PDE9A: variants seen among roughly 807,000 people sequenced by gnomAD.
PDE9A encodes the protein phosphodiesterase 9A, also known as high affinity cGMP-specific 3',5'-cyclic phosphodiesterase 9A.
In PDE9A, 60 loss-of-function variants were observed where a neutral mutation model predicts 87.4. That is an observed-to-expected ratio of 0.69 (90% CI 0.56 to 0.85). The LOEUF is 0.85. Among genes scored for constraint, PDE9A ranks in the 40% least tolerant of loss-of-function variants. The pLI is 0.00. For synonymous variants in PDE9A, 272 were observed against 279.4 expected, an observed-to-expected ratio of 0.97 and a Z score of 0.27; for missense variants, 665 against 779.0, an observed-to-expected ratio of 0.85 and a Z score of 1.74.
At chr21:42,719,391 T>C (rs760520737) in intron 4 of PDE9A, among the ~76,000 whole-genome samples, 1 of 151,728 alleles carries the variant, frequency 6.6e-6, no homozygotes, top group Non-Finnish European at 1.5e-5. Flanking sequence ...TCTCAGCACT[T>C]TGGGAGGCCG....
chr21:42,663,775 G>A (rs1289309768), intron 1 of PDE9A, among the ~76,000 whole-genome samples: 3 of 152,168 alleles, frequency 2.0e-5, no homozygotes, highest in African/African-American at 7.2e-5. Context: ...AGGCCCCACT[G>A]AAGCATGCCA....
In PDE9A at chr21:42,722,525, C is replaced by T. The variant is rs1471676475; in HGVS notation, c.263-9245C>T. 6.6e-6 allele frequency among the ~76,000 whole-genome samples: 1 copy of T among 152,332 alleles called. No individual in the cohort carries two copies. The highest frequency in any genetic ancestry group is 1.9e-4 in the East Asian group (1 of 5,182). ...ACGCCCTTGTGATGTATTATTCCCT[C>T]TACTCTTGCAGGTCGGTGCTTGGGA... is the stretch of plus-strand genomic sequence containing the variant. On this transcript the variant is annotated intron_variant, in intron 4 of 19. Transcript: ENST00000291539. This position sits in a 1 kb window ranked among gnomAD's most constrained non-coding sequence, Gnocchi z 4.1.
intron 15 of PDE9A, among the ~76,000 whole-genome samples, chr21:42,766,774 C>T (rs993732488): frequency 7.2e-5 from 11 of 152,330 alleles, no homozygotes; most frequent in African/African-American, 2.6e-4. Context: ...GAGGGAGGCG[C>T]CGCCTTGTCC....
At chr21:42,770,626 T>C in intron 17 of PDE9A, 77 bp from the exon 18 acceptor site, 2 of 1,142,794 alleles carry the variant, frequency 1.8e-6, no homozygotes, top group Non-Finnish European at 2.6e-6. Flanking sequence ...ACGGAGCACC[T>C]GACACCTGTT....
At chr21:42,762,370 C>A in intron 14 of PDE9A, 131 bp downstream of exon 14, 1 of 905,638 alleles carries the variant, frequency 1.1e-6, no homozygotes, top group Non-Finnish European at 1.7e-6. Context: ...AAGGGAACCC[C>A]TCCCTCCTTC....
intron 18 of PDE9A, among the ~76,000 whole-genome samples, chr21:42,771,218 G>A (rs899593552): frequency 6.6e-6 from 1 of 152,176 alleles, no homozygotes; most frequent in East Asian, 1.9e-4. Flanking sequence ...CCCCTGGCAC[G>A]GGGACAAAGC....
rs755890848 is a variant in PDE9A at position 42,759,101 on chromosome 21, G to A, written c.897+16G>A. The A allele has an allele frequency of 1.9e-5, 31 of 1,592,120 alleles. 1 individual carries two copies. Among genetic ancestry groups the A allele is most frequent in the South Asian group, 5.5e-5 (5 of 90,574 alleles). ...GAGGTGGCTGGTGAGTGCCAAACCC[G>A]CCTTCGGTTCTTCCTGGGCACGTGG... On this transcript the variant is annotated intron_variant, in intron 11 of 19. Transcript: ENST00000291539. This position sits in a 1 kb window ranked among gnomAD's most constrained non-coding sequence, Gnocchi z 7.2.
At chr21:42,769,980 G>A (rs1006713714) in intron 17 of PDE9A, among the ~76,000 whole-genome samples, 20 of 151,856 alleles carry the variant, frequency 1.3e-4, no homozygotes, top group Non-Finnish European at 5.9e-5. Context: ...CATCGCTGCC[G>A]GCCTTCAGGA....
chr21:42,686,512 T>G (rs2059483647), intron 2 of PDE9A, among the ~76,000 whole-genome samples: 1 of 152,236 alleles, frequency 6.6e-6, no homozygotes, highest in Admixed American at 6.5e-5. Context: ...AGAACCGCCC[T>G]CCTAAGAGTG....
chr21:42,691,229 C>T (rs1403485451), intron 3 of PDE9A, among the ~76,000 whole-genome samples: 2 of 150,958 alleles, frequency 1.3e-5, no homozygotes, highest in Non-Finnish European at 3.0e-5. Context: ...TCGCCATCAC[C>T]ATCCAGATTC....
At chr21:42,772,190 C>T (rs898122149) in intron 18 of PDE9A, among the ~76,000 whole-genome samples, 5 of 152,224 alleles carry the variant, frequency 3.3e-5, no homozygotes, top group East Asian at 1.9e-4. Flanking sequence ...CCAGTCCCCG[C>T]GGCTGTGGTG....
At chr21:42,703,190 G>A (rs1486790185) in intron 4 of PDE9A, among the ~76,000 whole-genome samples, 1 of 152,244 alleles carries the variant, frequency 6.6e-6, no homozygotes, top group Non-Finnish European at 1.5e-5. Flanking sequence ...CAGGGAGGGG[G>A]TTGCTGCGGG....
intron 10 of PDE9A, chr21:42,758,749 C>T: frequency 2.2e-6 from 1 of 453,704 alleles, no homozygotes. Flanking sequence ...CCAGGATCCA[C>T]CTGCCAGGAG....
At chr21:42,686,770 A>G (rs987531275) in intron 2 of PDE9A, among the ~76,000 whole-genome samples, 1 of 152,160 alleles carries the variant, frequency 6.6e-6, no homozygotes, top group African/African-American at 2.4e-5. Flanking sequence ...AGCTGAGATC[A>G]TGCCATTGCA....
intron 2 of PDE9A, among the ~76,000 whole-genome samples, chr21:42,686,814 CA>C (rs879491321): frequency 1.6e-4 from 25 of 152,102 alleles, no homozygotes; most frequent in African/African-American, 4.8e-4. Flanking sequence ...GACTCCGCCT[CA>C]AAATAAATAA....
rs1425655759 is a variant in PDE9A, at chr21:42,770,726, C to G, written c.1614C>G (p.Ile538Met). The G allele has an allele frequency of 8.7e-6, 14 of 1,613,822 alleles. No individual in the cohort carries two copies. In the Admixed American group the frequency reaches 1.7e-4, roughly 19 times the overall value. The change falls in exon 18 of 20, where the codon ATC becomes ATG. Residue 538 changes from isoleucine (I) to methionine (M), a missense_variant. Physicochemically the swap from Ile to Met is conservative, Grantham distance 10. Transcript: ENST00000291539. ...AGCTCTTCCCCATGGTTGAGGAGAT[C>G]ATGCTGCAGCCACTTTGGGAATCCC... ...VTKLFPMVEE[I>M]MLQPLWESRD...
chr21:42,654,700 G>C (rs1247086851), intron 1 of PDE9A, among the ~76,000 whole-genome samples: 2 of 152,204 alleles, frequency 1.3e-5, no homozygotes, highest in Non-Finnish European at 2.9e-5. Context: ...AGGGAGAGAT[G>C]CCCCAGCCAG....
chr21:42,770,559 G>T (rs1319591888), intron 17 of PDE9A, 144 bp from the exon 18 acceptor site: 8 of 633,124 alleles, frequency 1.3e-5, no homozygotes, highest in Non-Finnish European at 2.3e-5. Flanking sequence ...AGTGGGTGGA[G>T]GCAGCAGAGC....
chr21:42,679,993 T>G (rs1457421783), intron 1 of PDE9A, among the ~76,000 whole-genome samples: 1 of 152,202 alleles, frequency 6.6e-6, no homozygotes, highest in African/African-American at 2.4e-5. Flanking sequence ...AGTGAGAGAC[T>G]GTCGTAAGGA....
Sources: gnomAD v4.1 joint callset for allele counts (sites outside exome capture counted in the v4.1 genomes callset) on GRCh38, gnomAD v4.1.1 for gene constraint, Gnocchi (gnomAD v3.1) non-coding constraint, MANE v1.5 for transcripts, NCBI Gene and HGNC (gene_info 2026-07-23, HGNC 2026-07-21) for gene names.